CLSTN2: variants seen among roughly 807,000 people sequenced by gnomAD.
CLSTN2 encodes the protein calsyntenin-2.
A neutral mutation model predicts 101.2 loss-of-function variants in CLSTN2; 48 were observed. That is an observed-to-expected ratio of 0.47 (90% CI 0.38 to 0.60). The LOEUF (loss-of-function observed/expected upper bound fraction) is 0.60, where lower values mean the gene tolerates loss of function less well. Ranked by LOEUF, CLSTN2 falls within the 20% of genes least tolerant of loss-of-function variation. The pLI is 0.00. For synonymous variants in CLSTN2, 481 were observed against 463.6 expected, an observed-to-expected ratio of 1.04 and a Z score of -0.48; for missense variants, 1,160 against 1,238.2, an observed-to-expected ratio of 0.94 and a Z score of 0.95.
At chr3:140,417,904 TTGG>T (rs1264698572) in intron 4 of CLSTN2, among the ~76,000 whole-genome samples, 1 of 152,182 alleles carries the variant, frequency 6.6e-6, no homozygotes, top group Non-Finnish European at 1.5e-5. Flanking sequence ...ATGCACAAAT[TTGG>T]TGGTGGTGGA....
chr3:140,433,100 C>A (rs2088651644), intron 5 of CLSTN2, among the ~76,000 whole-genome samples: 1 of 152,232 alleles, frequency 6.6e-6, no homozygotes, highest in Non-Finnish European at 1.5e-5. Context: ...AAGAAGAACA[C>A]TGCCATCTTT....
intron 5 of CLSTN2, among the ~76,000 whole-genome samples, chr3:140,427,202 T>G (rs1391950601): frequency 1.3e-5 from 1 of 76,452 alleles, no homozygotes; most frequent in African/African-American, 8.5e-5. Flanking sequence ...TATATATATA[T>G]ATGTGTATAT....
chr3:140,322,318 C>T (rs2087291698), intron 2 of CLSTN2, among the ~76,000 whole-genome samples: 1 of 152,178 alleles, frequency 6.6e-6, no homozygotes, highest in Non-Finnish European at 1.5e-5. Flanking sequence ...ATTGAATAAA[C>T]ATGTATTGAG....
intron 4 of CLSTN2, among the ~76,000 whole-genome samples, chr3:140,415,185 AT>A (rs1274582320): frequency 2.0e-5 from 3 of 152,194 alleles, no homozygotes; most frequent in African/African-American, 7.2e-5. Context: ...ACAAAAATAA[AT>A]TCAAAATGGA....
At chr3:140,538,255 A>AT (rs1935396953) in intron 9 of CLSTN2, among the ~76,000 whole-genome samples, 1 of 152,144 alleles carries the variant, frequency 6.6e-6, no homozygotes, top group Non-Finnish European at 1.5e-5. Flanking sequence ...AGCCTTGCCT[A>AT]TGATACCTCC....
chr3:140,121,169 G>A (rs949235256), intron 1 of CLSTN2, among the ~76,000 whole-genome samples: 1 of 152,162 alleles, frequency 6.6e-6, no homozygotes, highest in East Asian at 1.9e-4. Flanking sequence ...ATGACAAGAG[G>A]ATGATGAAAA....
intron 1 of CLSTN2, among the ~76,000 whole-genome samples, chr3:140,127,042 C>T (rs770034772): frequency 1.3e-5 from 2 of 151,922 alleles, no homozygotes; most frequent in Admixed American, 6.5e-5. Flanking sequence ...TATCATGTGT[C>T]ATTATATGTA....
chr3:140,053,345 G>A lies in CLSTN2; in HGVS notation c.109+117862G>A, dbSNP rs114901423. The stretch of plus-strand genomic sequence containing the variant: ...ACACCGTAAATTTTATTAGAGGAAA[G>A]CAATCTAGTTCCAATTCTGGTTCTC... On this transcript the variant is annotated intron_variant, in intron 1 of 16. Transcript: ENST00000458420. Among the ~76,000 whole-genome samples, 64 of 152,324 alleles carry A rather than the reference G, an allele frequency of 4.2e-4. 1 individual carries two copies. Among genetic ancestry groups the A allele is most frequent in the African/African-American group, 1.5e-3 (64 of 41,576 alleles).
At chr3:140,074,433 G>T (rs1024812883) in intron 1 of CLSTN2, among the ~76,000 whole-genome samples, 1 of 152,128 alleles carries the variant, frequency 6.6e-6, no homozygotes, top group Non-Finnish European at 1.5e-5. Flanking sequence ...GCCCAAAGGA[G>T]GTGCTTAATA....
In CLSTN2 at chr3:139,970,339, C is replaced by T. The variant is rs150939729; in HGVS notation, c.109+34856C>T. 7.0e-4 allele frequency among the ~76,000 whole-genome samples: 107 copies of T among 152,236 alleles called. 1 individual carries two copies. The highest frequency in any genetic ancestry group is 2.2e-3 in the African/African-American group (91 of 41,558). On this transcript the variant is annotated intron_variant, in intron 1 of 16. Coordinates refer to ENST00000458420, the MANE Select transcript of CLSTN2 (RefSeq NM_022131.3). Reference sequence around the variant, plus strand: ...CATCTGGGGGGGGATGCTCTCCATACGCTGCCAATAGATGGTGGTCATTAT... The same window carrying T: ...CATCTGGGGGGGGATGCTCTCCATATGCTGCCAATAGATGGTGGTCATTAT...
At chr3:140,472,929 C>G (rs565037718) in intron 8 of CLSTN2, among the ~76,000 whole-genome samples, 2 of 152,268 alleles carry the variant, frequency 1.3e-5, no homozygotes, top group South Asian at 4.2e-4. Context: ...AGTCCCTCTC[C>G]CTGACTGTTT....
chr3:140,073,452 TGAA>T lies in CLSTN2; in HGVS notation c.110-102495_110-102493del, dbSNP rs2008431280. ...CTCACCAGCTGACTAATTTGGGACT[TGAA>T]GAATGGTGAGAGCCAAGCTGGCACT... is the stretch of plus-strand genomic sequence containing the variant. On this transcript the variant is annotated intron_variant, in intron 1 of 16. Coordinates refer to ENST00000458420, the MANE Select transcript of CLSTN2 (RefSeq NM_022131.3). Among the ~76,000 whole-genome samples, 4 of 152,220 alleles carry T rather than the reference TGAA, an allele frequency of 2.6e-5. No homozygotes were observed. The South Asian group carries it at 6.2e-4, about 24-fold the overall frequency.
At position 140,154,544 on chromosome 3, in the gene CLSTN2, G is replaced by A. The variant is rs573686309; in HGVS notation, c.110-21407G>A. ...AGGATTAATTGACACAGTTGGCTGG[G>A]GAGGCCTCCGGAAACTTACCATCAT... On this transcript the variant is annotated intron_variant, in intron 1 of 16. Transcript: ENST00000458420. 2.6e-5 allele frequency among the ~76,000 whole-genome samples: 4 copies of A among 152,162 alleles called. No individual in the cohort carries two copies. In the South Asian group the frequency reaches 8.3e-4, roughly 32 times the overall value.
intron 2 of CLSTN2, among the ~76,000 whole-genome samples, chr3:140,359,977 A>T (rs1443972494): frequency 7.0e-6 from 1 of 143,398 alleles, no homozygotes; most frequent in East Asian, 2.0e-4. Context: ...ATATACACAC[A>T]TACATACATA....
intron 2 of CLSTN2, among the ~76,000 whole-genome samples, chr3:140,308,366 T>A (rs2087134080): frequency 6.6e-6 from 1 of 152,192 alleles, no homozygotes; most frequent in African/African-American, 2.4e-5. Flanking sequence ...TGGCATTCAA[T>A]ATCAAGGAAG....
intron 1 of CLSTN2, among the ~76,000 whole-genome samples, chr3:140,157,522 T>G (rs1401294750): frequency 2.0e-5 from 3 of 152,234 alleles, no homozygotes; most frequent in Non-Finnish European, 2.9e-5. Context: ...CTAATTTGTG[T>G]GCATAGAGTT....
At chr3:140,429,799 GT>G (rs2088609769) in intron 5 of CLSTN2, among the ~76,000 whole-genome samples, 1 of 152,160 alleles carries the variant, frequency 6.6e-6, no homozygotes, top group Non-Finnish European at 1.5e-5. Context: ...TCAAGTTAAA[GT>G]GGGCATCAAG....
chr3:140,126,762 T>C (rs1281466792), intron 1 of CLSTN2, among the ~76,000 whole-genome samples: 3 of 152,166 alleles, frequency 2.0e-5, no homozygotes, highest in Non-Finnish European at 4.4e-5. Context: ...TTTGTATGCA[T>C]TCATTTAAAT....
intron 12 of CLSTN2, among the ~76,000 whole-genome samples, chr3:140,559,102 G>A (rs1935861330): frequency 6.6e-6 from 1 of 151,392 alleles, no homozygotes; most frequent in Non-Finnish European, 1.5e-5. Context: ...TAAATGGTAA[G>A]TGAAAAAATG....
Sources: gnomAD v4.1 joint callset for allele counts (sites outside exome capture counted in the v4.1 genomes callset) on GRCh38, gnomAD v4.1.1 for gene constraint, MANE v1.5 for transcripts, NCBI Gene and HGNC (gene_info 2026-07-23, HGNC 2026-07-21) for gene names.